Variants in RAB36 observed in about 807,000 individuals in gnomAD.
RAB36 encodes ras-related protein Rab-36.
RAB36 carries 33 observed loss-of-function variants against 39.3 expected under a neutral mutation model. That is an observed-to-expected ratio of 0.84 (90% CI 0.64 to 1.12). The LOEUF is 1.12. Among genes scored for constraint, RAB36 ranks in the 50% most tolerant of loss-of-function variants. The pLI, the probability that RAB36 is intolerant of heterozygous loss-of-function variation, is 0.00. For missense variants in RAB36, 308 were observed against 355.3 expected (o/e 0.87, Z 1.07); for synonymous variants, 133 against 140.2 (o/e 0.95, Z 0.36).
At chr22:23,151,781 A>AG (rs1412697021) in intron 3 of RAB36, among the ~76,000 whole-genome samples, 1 of 152,178 alleles carries the variant, frequency 6.6e-6, no homozygotes, top group Non-Finnish European at 1.5e-5. Context: ...ACAGAGGGTG[A>AG]GGGTGGCGGC....
Position 23,150,063 on chromosome 22 carries a change from T to G in RAB36, c.70T>G (p.Trp24Gly). ...RDRVIASFPKWYTPEACLQLR... is the reference protein window; with the variant it reads ...RDRVIASFPKGYTPEACLQLR... ...TGTCCGTCTGTCTGTCTCTTTGCAG[T>G]GGTACACGCCGGAAGCCTGTTTGCA... is the stretch of plus-strand genomic sequence containing the variant. Residue 24 changes from tryptophan (W) to glycine (G), a missense_variant and splice_region_variant, in exon 3 of 11, where the codon TGG becomes GGG. Coordinates refer to ENST00000263116, the MANE Select transcript of RAB36 (RefSeq NM_004914.5). 2 of 1,605,944 alleles carry G rather than the reference T, an allele frequency of 1.2e-6. No individual in the cohort carries two copies. The highest frequency in any genetic ancestry group is 1.7e-6 in the Non-Finnish European group (2 of 1,175,986).
At chr22:23,161,382 T>C (rs10775764) in intron 10 of RAB36, 118 bp from the exon 11 acceptor site, 480,156 of 964,044 alleles carry the variant, frequency 0.5, 120,889 homozygotes, top group East Asian at 0.63. Context: ...ATTCAGGCCT[T>C]GAACAGCAGG....
Position 23,163,777 on chromosome 22 carries a change from CTTGT to C in RAB36, c.*2219_*2222del, listed in dbSNP as rs936210036. The C allele has an allele frequency of 6.6e-6, 1 of 152,172 alleles. No individual in the cohort carries two copies. The highest frequency in any genetic ancestry group is 1.5e-5 in the Non-Finnish European group (1 of 68,056). The allele number at this position is 152,172 out of a possible 1,614,324, so 9.4% of individuals were successfully genotyped here. On this transcript the variant is annotated 3_prime_UTR_variant, in exon 11 of 11. Transcript: ENST00000263116. ...TTGCCTGCACAGCTAGTGTTGATGG[CTTGT>C]TTGTTGTTTTCACCAGAGTGAGCTC...
At chr22:23,147,994 C>G (rs752711095) in intron 2 of RAB36, among the ~76,000 whole-genome samples, 10 of 151,842 alleles carry the variant, frequency 6.6e-5, no homozygotes, top group Non-Finnish European at 1.2e-4. Flanking sequence ...ATATATAAGC[C>G]CCTACTCTCA....
chr22:23,158,925 G>A lies in RAB36; in HGVS notation c.474G>A (p.Glu158=), dbSNP rs780417518. ...TRQWLEDALR[E]NEAGSCFIFL... ...AGTGGTTGGAGGATGCTCTGAGGGA[G>A]AACGAGGCAGGCTCCTGCTTCATCT... Residue 158 remains glutamate, a synonymous_variant, in exon 8 of 11, where the codon GAG becomes GAA. Transcript: ENST00000263116. The A allele has an allele frequency of 6.2e-7, 1 of 1,614,198 alleles. No homozygotes were observed. Among genetic ancestry groups the A allele is most frequent in the South Asian group, 1.1e-5 (1 of 91,082 alleles).
At chr22:23,166,961 G>T (rs148205073), downstream of RAB36, among the ~76,000 whole-genome samples, 40 of 152,220 alleles carry the variant, frequency 2.6e-4, no homozygotes, top group East Asian at 7.5e-3. Context: ...AGGTGCTCTG[G>T]AAGCTCGTTT....
intron 10 of RAB36, 113 bp from the exon 11 acceptor site, chr22:23,161,387 A>G (rs888211538): frequency 2.0e-6 from 2 of 985,702 alleles, no homozygotes; most frequent in Non-Finnish European, 3.1e-6. Flanking sequence ...GGCCTTGAAC[A>G]GCAGGCCCAG....
chr22:23,145,860 G>A, intron 1 of RAB36: 1 of 519,632 alleles, frequency 1.9e-6, no homozygotes, highest in Non-Finnish European at 2.5e-6. Flanking sequence ...GGAGGCTCGA[G>A]GAGTCAGAGG....
chr22:23,153,286 C>T lies in RAB36; in HGVS notation c.329+152C>T, dbSNP rs555047281. On this transcript the variant is annotated intron_variant, in intron 5 of 10. Transcript: ENST00000263116. ...TTGTGTGACACTTAGCTTCCTGGCT[C>T]CCAGAGCCCCCACATGCTCTGTCAG... 5.2e-4 allele frequency: 343 copies of T among 665,044 alleles called. 1 individual carries two copies. Among genetic ancestry groups the T allele is most frequent in the Middle Eastern group, 1.3e-3 (3 of 2,374 alleles). The allele number at this position is 665,044 out of a possible 1,614,324, so 41.2% of individuals were successfully genotyped here.
chr22:23,146,121 T>G, intron 1 of RAB36: 1 of 631,912 alleles, frequency 1.6e-6, no homozygotes, highest in Non-Finnish European at 2.0e-6. Flanking sequence ...GCAGGCCTGG[T>G]TCCCCCATAC....
downstream of RAB36, among the ~76,000 whole-genome samples, chr22:23,166,016 C>G (rs564170602): frequency 9.9e-5 from 15 of 151,698 alleles, no homozygotes; most frequent in South Asian, 2.9e-3. Flanking sequence ...CATGGTGGCA[C>G]GCACCTGTAG....
chr22:23,162,673 G>T lies in RAB36; in HGVS notation c.*1109G>T, dbSNP rs563683430. The T allele has an allele frequency of 2.2e-6, 1 of 456,222 alleles. No individual in the cohort carries two copies. Among genetic ancestry groups the T allele is most frequent in the African/African-American group, 2.0e-5 (1 of 50,164 alleles). The allele number at this position is 456,222 out of a possible 1,614,324, so 28.3% of individuals were successfully genotyped here. ...CTATGAACCAGCCCCACAGCCCCAG[G>T]CCCCTGTCACCTGGCTATGCCCACT... On this transcript the variant is annotated 3_prime_UTR_variant, in exon 11 of 11. Coordinates refer to ENST00000263116, the MANE Select transcript of RAB36 (RefSeq NM_004914.5).
chr22:23,161,290 C>T (rs1454324195), intron 10 of RAB36, among the ~76,000 whole-genome samples: 2 of 152,172 alleles, frequency 1.3e-5, no homozygotes, highest in African/African-American at 2.4e-5. Flanking sequence ...GCAGATGTGT[C>T]CTGGCCCCGG....
downstream of RAB36, among the ~76,000 whole-genome samples, chr22:23,169,055 G>A (rs1176911719): frequency 2.0e-5 from 3 of 152,176 alleles, no homozygotes; most frequent in Non-Finnish European, 2.9e-5. Flanking sequence ...AGACTCCGCT[G>A]GGATTCTCCT....
downstream of RAB36, among the ~76,000 whole-genome samples, chr22:23,166,015 A>G (rs559384299): frequency 1.3e-4 from 19 of 151,982 alleles, no homozygotes; most frequent in South Asian, 2.9e-3. Flanking sequence ...GCATGGTGGC[A>G]CGCACCTGTA....
In RAB36 at chr22:23,162,555, C is replaced by T. The variant is rs2071863892; in HGVS notation, c.*991C>T. On this transcript the variant is annotated 3_prime_UTR_variant, in exon 11 of 11. Transcript: ENST00000263116. The stretch of plus-strand genomic sequence containing the variant: ...AAGTCTAGCATGTTCCTGTCTCCAA[C>T]ACCGCCTCCTGCACATGCAGAGCAG... 3.6e-5 allele frequency: 16 copies of T among 442,434 alleles called. No individual in the cohort carries two copies. The highest frequency in any genetic ancestry group is 2.5e-4 in the South Asian group (16 of 62,878). 27.4% of individuals were successfully genotyped at this position (442,434 alleles called of 1,614,324 possible). A position where few individuals can be genotyped will look rare whatever the true frequency, so the allele number is the denominator to read the frequency against.
In RAB36 at chr22:23,153,213, G is replaced by A. The variant is rs1006235541; in HGVS notation, c.329+79G>A. The A allele has an allele frequency of 2.8e-6, 3 of 1,081,716 alleles. No individual in the cohort carries two copies. In the African/African-American group the frequency reaches 4.7e-5, roughly 17 times the overall value. 67.0% of individuals were successfully genotyped at this position (1,081,716 alleles called of 1,614,324 possible). ...AAAGGATTTGGGGAGCTCCTTCACTGTGTCCATGTCAAGGAGGACTAGTCT... is the reference window on the plus strand; with the variant it reads ...AAAGGATTTGGGGAGCTCCTTCACTATGTCCATGTCAAGGAGGACTAGTCT... On this transcript the variant is annotated intron_variant, in intron 5 of 10. Coordinates refer to ENST00000263116, the MANE Select transcript of RAB36 (RefSeq NM_004914.5).
In RAB36 at chr22:23,165,553, A is replaced by G. The variant is rs2146624522; in HGVS notation, c.*3989A>G. On this transcript the variant is annotated 3_prime_UTR_variant, in exon 11 of 11. Coordinates refer to ENST00000263116, the MANE Select transcript of RAB36 (RefSeq NM_004914.5). Reference sequence around the variant, plus strand: ...TGCCAGCTAGAGAGGCTCTGGGCACAGGAAAGAATTGGACTTCGGGCAGAA... The same window carrying G: ...TGCCAGCTAGAGAGGCTCTGGGCACGGGAAAGAATTGGACTTCGGGCAGAA... Among the ~76,000 whole-genome samples, 1 of 152,398 alleles carries G rather than the reference A, an allele frequency of 6.6e-6. No individual in the cohort carries two copies. The highest frequency in any genetic ancestry group is 1.9e-4 in the East Asian group (1 of 5,190).
Position 23,145,547 on chromosome 22 carries a change from C to G in RAB36, c.-17C>G. 1 of 1,600,522 alleles carries G rather than the reference C, an allele frequency of 6.2e-7. No homozygotes were observed. Among genetic ancestry groups the G allele is most frequent in the Non-Finnish European group, 8.5e-7 (1 of 1,178,782 alleles). ...GCGGAGCCCCAGCTTTCACAGCCAT[C>G]GCTGGTGAGTCAGCTCGCCCACTCT... On this transcript the variant is annotated 5_prime_UTR_variant, in exon 1 of 11. In the 5' UTR this introduces an upstream ATG that the reference lacks. Transcript: ENST00000263116.
Sources: allele counts gnomAD v4.1 joint callset (sites outside exome capture counted in the v4.1 genomes callset), GRCh38; gene constraint gnomAD v4.1.1; transcripts MANE v1.5; gene names NCBI Gene and HGNC (gene_info 2026-07-23, HGNC 2026-07-21).